Variants in CCND3 observed in about 807,000 individuals in gnomAD.
CCND3 encodes cyclin D3.
In CCND3, 9 loss-of-function variants were observed where a neutral mutation model predicts 28.7. That is an observed-to-expected ratio of 0.31 (90% CI 0.19 to 0.55). CCND3 has a LOEUF of 0.55. Among genes scored for constraint, CCND3 ranks in the 20% least tolerant of loss-of-function variants. The probability of loss-of-function intolerance (pLI) is 0.93; values close to 1 mark genes in which losing one functional copy is unlikely to be tolerated. For synonymous variants in CCND3, 164 were observed against 163.9 expected, an observed-to-expected ratio of 1.00 and a Z score of 0.00; for missense variants, 315 against 385.8, an observed-to-expected ratio of 0.82 and a Z score of 1.54.
In CCND3 at chr6:41,941,530, G is replaced by C; in HGVS notation, c.120C>G (p.Pro40=). ...GCACGCACTGGAAGTAGGAGGCGCG[G>C]GGTACGTAGCGCTCCTCCAGGCGGA... ...SLLRLEERYV[P]RASYFQCVQR... The change falls in exon 1 of 5, where the codon CCC becomes CCG. Residue 40 remains proline (P), a synonymous_variant. Coordinates refer to ENST00000372991, the MANE Select transcript of CCND3 (RefSeq NM_001760.5). This position sits in a 1 kb window ranked among gnomAD's most constrained non-coding sequence, Gnocchi z 6.1. 3 of 1,604,802 alleles carry C rather than the reference G, an allele frequency of 1.9e-6. No homozygotes were observed. Among genetic ancestry groups the C allele is most frequent in the Non-Finnish European group, 2.5e-6 (3 of 1,177,626 alleles).
In CCND3 at chr6:41,941,130, G is replaced by A; in HGVS notation, c.198+322C>T. The stretch of plus-strand genomic sequence containing the variant: ...GGGTTTTCCAGGCGCGCTCTCCGGA[G>A]AAGGCCGGGAGGCGGAGGGAAGCGG... On this transcript the variant is annotated intron_variant, in intron 1 of 4. Coordinates refer to ENST00000372991, the MANE Select transcript of CCND3 (RefSeq NM_001760.5). The surrounding 1 kb of genome is among the most constrained non-coding windows in gnomAD (Gnocchi z 6.1). 1 of 1,494,730 alleles carries A rather than the reference G, an allele frequency of 6.7e-7. No individual in the cohort carries two copies. 92.6% of individuals were successfully genotyped at this position (1,494,730 alleles called of 1,614,324 possible). A position where few individuals can be genotyped will look rare whatever the true frequency, so the allele number is the denominator to read the frequency against.
At chr6:42,016,849 T>C (rs1763533057) in intron 1 of CCND3, among the ~76,000 whole-genome samples, 2 of 152,152 alleles carry the variant, frequency 1.3e-5, no homozygotes, top group Non-Finnish European at 2.9e-5. Context: ...CCTTCCAAAG[T>C]GCTGGGATTA....
intron 1 of CCND3, among the ~76,000 whole-genome samples, chr6:41,976,050 A>T (rs952175518): frequency 5.9e-5 from 9 of 151,980 alleles, no homozygotes; most frequent in South Asian, 2.1e-4. Context: ...ATAAAAAAAA[A>T]TTTTAAATTA....
Position 41,941,643 on chromosome 6 carries a change from G to A in CCND3, c.7C>T (p.Leu3=), listed in dbSNP as rs746833245. The A allele has an allele frequency of 2.7e-6, 4 of 1,462,228 alleles. No individual in the cohort carries two copies. The Admixed American group carries it at 1.0e-4, about 37-fold the overall frequency. 90.6% of individuals were successfully genotyped at this position (1,462,228 alleles called of 1,614,324 possible). ...TGCCGGGTGCCTTCGCAACACAGCA[G>A]CTCCATACTCGGGCAGCGAACAGGC... ME[L]LCCEGTRHAP... is the part of the protein sequence containing the mutation. Residue 3 remains leucine (L), a synonymous_variant, in exon 1 of 5, where the codon CTG becomes TTG. Coordinates refer to ENST00000372991, the MANE Select transcript of CCND3 (RefSeq NM_001760.5). This position sits in a 1 kb window ranked among gnomAD's most constrained non-coding sequence, Gnocchi z 6.1.
At chr6:41,972,061 T>TA (rs1762044572) in intron 1 of CCND3, among the ~76,000 whole-genome samples, 1 of 148,520 alleles carries the variant, frequency 6.7e-6, no homozygotes, top group African/African-American at 2.5e-5. Context: ...CCGTCTCTAC[T>TA]AAAAAAATAC....
intron 1 of CCND3, among the ~76,000 whole-genome samples, chr6:41,956,286 C>T (rs1776434121): frequency 6.6e-6 from 1 of 151,932 alleles, no homozygotes; most frequent in Non-Finnish European, 1.5e-5. Context: ...AGCGAGACTC[C>T]TTCTCAAAAA....
chr6:41,937,116 AG>A (rs1207291049), intron 3 of CCND3, 118 bp downstream of exon 3: 2 of 1,096,188 alleles, frequency 1.8e-6, no homozygotes, highest in Non-Finnish European at 2.8e-6. Context: ...GGGGGCTCAG[AG>A]GGGGTATAAT....
Position 41,936,035 on chromosome 6 carries a change from T to A in CCND3, c.784A>T (p.Ser262Cys), listed in dbSNP as rs2127389560. The change falls in exon 5 of 5, where the codon AGC becomes TGC. Residue 262 changes from serine to cysteine, a missense_variant. Coordinates refer to ENST00000372991, the MANE Select transcript of CCND3 (RefSeq NM_001760.5). The surrounding 1 kb of genome is among the most constrained non-coding windows in gnomAD (Gnocchi z 4.4). Reference protein sequence around the residue: ...RESLREASQTSSSPAPKAPRG... With the variant: ...RESLREASQTCSSPAPKAPRG... Reference sequence around the variant, plus strand: ...GGGGCTTTGGGCGCTGGGCTGGAGCTGGTCTGAGAGGCTTCCCTGAGGCTC... The same window carrying A: ...GGGGCTTTGGGCGCTGGGCTGGAGCAGGTCTGAGAGGCTTCCCTGAGGCTC... 1 of 1,613,426 alleles carries A rather than the reference T, an allele frequency of 6.2e-7. No homozygotes were observed. Among genetic ancestry groups the A allele is most frequent in the East Asian group, 2.2e-5 (1 of 44,868 alleles).
intron 1 of CCND3, among the ~76,000 whole-genome samples, chr6:42,029,816 G>A (rs1763992199): frequency 7.0e-6 from 1 of 143,788 alleles, no homozygotes. Context: ...CAGCCTGGGC[G>A]ACAAGAGTGA....
At chr6:42,034,340 G>T (rs889549270) in intron 1 of CCND3, among the ~76,000 whole-genome samples, 1 of 151,814 alleles carries the variant, frequency 6.6e-6, no homozygotes, top group South Asian at 2.1e-4. Flanking sequence ...TAGAGACAGG[G>T]TTTCGCCATG....
intron 1 of CCND3, among the ~76,000 whole-genome samples, chr6:42,014,260 G>A (rs1432742710): frequency 1.3e-5 from 2 of 151,838 alleles, no homozygotes; most frequent in African/African-American, 4.8e-5. Flanking sequence ...CCAGCTACTG[G>A]GAGGGCTGAG....
intron 1 of CCND3, among the ~76,000 whole-genome samples, chr6:42,027,435 A>G (rs948495435): frequency 5.4e-5 from 5 of 93,070 alleles, no homozygotes; most frequent in South Asian, 4.2e-4. Flanking sequence ...GCGAGGCTCC[A>G]TCTCAAAAAA....
At chr6:41,989,914 G>A (rs997319935) in intron 1 of CCND3, among the ~76,000 whole-genome samples, 12 of 152,052 alleles carry the variant, frequency 7.9e-5, no homozygotes, top group African/African-American at 2.9e-4. Flanking sequence ...TCAAAACTCT[G>A]AGGCCCAAGC....
chr6:41,987,515 C>CTGTG (rs1314945814), intron 1 of CCND3, among the ~76,000 whole-genome samples: 4 of 41,240 alleles, frequency 9.7e-5, no homozygotes, highest in African/African-American at 8.5e-4. Context: ...CTCTCTCTCT[C>CTGTG]TCTGTGTGTG....
At chr6:41,945,088 A>G (rs1388069526), upstream of CCND3, among the ~76,000 whole-genome samples, 1 of 152,146 alleles carries the variant, frequency 6.6e-6, no homozygotes, top group Non-Finnish European at 1.5e-5. Context: ...GTTTCTACCC[A>G]GGTACATCCA....
At chr6:41,956,776 C>T (rs576020859) in intron 1 of CCND3, among the ~76,000 whole-genome samples, 3 of 152,182 alleles carry the variant, frequency 2.0e-5, no homozygotes, top group South Asian at 4.1e-4. Flanking sequence ...AGCCTGTAAT[C>T]CCAGCACTTT....
chr6:41,960,610 T>C (rs979854126), intron 1 of CCND3, among the ~76,000 whole-genome samples: 1 of 152,180 alleles, frequency 6.6e-6, no homozygotes, highest in Non-Finnish European at 1.5e-5. Flanking sequence ...ACTATCTACC[T>C]CAGAGGGCAT....
At chr6:42,018,891 TAAAA>T (rs10568698) in intron 1 of CCND3, among the ~76,000 whole-genome samples, 1,515 of 136,844 alleles carry the variant, frequency 0.011, 30 homozygotes, top group African/African-American at 0.039. Context: ...AACTCCATGT[TAAAA>T]AAAAAAAAAA....
chr6:41,974,190 C>T (rs145186485), intron 1 of CCND3, among the ~76,000 whole-genome samples: 60 of 151,980 alleles, frequency 3.9e-4, no homozygotes, highest in African/African-American at 1.4e-3. Context: ...CTCGAAGAAA[C>T]AAAACAAAAC....
Sources: gnomAD v4.1 joint callset for allele counts (sites outside exome capture counted in the v4.1 genomes callset) on GRCh38, gnomAD v4.1.1 for gene constraint, Gnocchi (gnomAD v3.1) non-coding constraint, MANE v1.5 for transcripts, NCBI Gene and HGNC (gene_info 2026-07-23, HGNC 2026-07-21) for gene names.